EPHB1: variants seen among roughly 807,000 people sequenced by gnomAD.
EPHB1 encodes ephrin type-B receptor 1.
EPHB1 carries 30 observed loss-of-function variants against 94.4 expected under a neutral mutation model. The observed-to-expected ratio is 0.32, with a 90% confidence interval of 0.24 to 0.43. The LOEUF (loss-of-function observed/expected upper bound fraction) is 0.43. EPHB1 is among the 20% of genes least tolerant of loss of function. The pLI is 1.00. For missense variants in EPHB1, 1,055 were observed against 1,308.3 expected (o/e 0.81, Z 2.99); for synonymous variants, 522 against 489.1 (o/e 1.07, Z -0.89).
chr3:134,926,641 G>T (rs1465678512), intron 2 of EPHB1, among the ~76,000 whole-genome samples: 2 of 152,206 alleles, frequency 1.3e-5, no homozygotes, highest in African/African-American at 4.8e-5. Flanking sequence ...TGTGAATGCT[G>T]CTGAGATGGG....
At chr3:135,223,035 C>T (rs952670180) in intron 12 of EPHB1, among the ~76,000 whole-genome samples, 41 of 152,198 alleles carry the variant, frequency 2.7e-4, no homozygotes, top group African/African-American at 9.4e-4. Context: ...TAGGAAATTA[C>T]AGTCCAGTCA....
At chr3:135,111,719 A>C (rs1175296321) in intron 4 of EPHB1, among the ~76,000 whole-genome samples, 1 of 151,960 alleles carries the variant, frequency 6.6e-6, no homozygotes, top group Non-Finnish European at 1.5e-5. Flanking sequence ...TCACTCTGTC[A>C]CCCAGGCTGG....
At chr3:135,189,418 C>T (rs541864871) in intron 10 of EPHB1, among the ~76,000 whole-genome samples, 8 of 152,342 alleles carry the variant, frequency 5.3e-5, no homozygotes, top group Admixed American at 3.9e-4. Flanking sequence ...CTTCATGGAC[C>T]TGTGACTGGT....
chr3:134,812,374 G>A (rs2036194939), intron 1 of EPHB1, among the ~76,000 whole-genome samples: 2 of 152,176 alleles, frequency 1.3e-5, no homozygotes, highest in Admixed American at 6.5e-5. Context: ...TAGAGTATGT[G>A]CTCTTTATTT....
intron 14 of EPHB1, 63 bp downstream of exon 14, chr3:135,248,572 C>G: frequency 8.9e-6 from 13 of 1,460,502 alleles, no homozygotes; most frequent in Non-Finnish European, 1.2e-5. Flanking sequence ...GCATAGCCAG[C>G]AGCCTCTGAC....
At chr3:135,113,521 C>T (rs149543341) in intron 4 of EPHB1, among the ~76,000 whole-genome samples, 11 of 152,310 alleles carry the variant, frequency 7.2e-5, no homozygotes, top group South Asian at 2.1e-4. Context: ...CCAGTAACCC[C>T]GAGAGGCAGA....
chr3:135,026,376 G>A (rs1936170700), intron 3 of EPHB1, among the ~76,000 whole-genome samples: 1 of 147,856 alleles, frequency 6.8e-6, no homozygotes, highest in Admixed American at 6.8e-5. Flanking sequence ...AATCCATCTT[G>A]AATTGATTTT....
intron 3 of EPHB1, among the ~76,000 whole-genome samples, chr3:134,956,080 C>T (rs1333064314): frequency 6.6e-6 from 1 of 151,986 alleles, no homozygotes; most frequent in East Asian, 1.9e-4. Flanking sequence ...AGTTGGACTG[C>T]AGGGAGGAAG....
At chr3:134,927,725 C>A (rs1179302844) in intron 2 of EPHB1, among the ~76,000 whole-genome samples, 1 of 152,228 alleles carries the variant, frequency 6.6e-6, no homozygotes, top group Non-Finnish European at 1.5e-5. Context: ...AAAGTCAAGG[C>A]ATGCCCTTTA....
intron 12 of EPHB1, among the ~76,000 whole-genome samples, chr3:135,239,993 A>G (rs1053988877): frequency 2.0e-5 from 3 of 152,178 alleles, no homozygotes; most frequent in African/African-American, 7.2e-5. Flanking sequence ...AAGAGGCAGT[A>G]CTGGTATCCA....
At chr3:134,976,996 A>T (rs901918995) in intron 3 of EPHB1, among the ~76,000 whole-genome samples, 2 of 152,210 alleles carry the variant, frequency 1.3e-5, no homozygotes, top group African/African-American at 4.8e-5. Context: ...TGACAATTTT[A>T]CTTCAATAAA....
intron 8 of EPHB1, 125 bp from the exon 9 acceptor site, chr3:135,166,817 C>T: frequency 1.1e-6 from 1 of 924,628 alleles, no homozygotes; most frequent in East Asian, 2.5e-5. Context: ...TGAGAGTTGC[C>T]CAGTCCCTAA....
chr3:135,223,035 CA>C (rs1943311141), intron 12 of EPHB1, among the ~76,000 whole-genome samples: 1 of 152,198 alleles, frequency 6.6e-6, no homozygotes, highest in Admixed American at 6.5e-5. Context: ...TAGGAAATTA[CA>C]GTCCAGTCAA....
At chr3:134,901,857 G>A (rs956732733) in intron 1 of EPHB1, among the ~76,000 whole-genome samples, 3 of 152,238 alleles carry the variant, frequency 2.0e-5, no homozygotes, top group African/African-American at 4.8e-5. Context: ...TCAAGTGAAC[G>A]CAGTACCTGT....
rs1285344169 is a variant in EPHB1 at position 135,151,094 on chromosome 3, G to T, written c.1298-3058G>T. Among the ~76,000 whole-genome samples, 3 of 152,154 alleles carry T rather than the reference G, an allele frequency of 2.0e-5. No homozygotes were observed. The East Asian group carries it at 5.8e-4, about 29-fold the overall frequency. ...CTCAGGCCAGGTCTTAGCAGCCATT[G>T]TTTCCCAGCTATATTACTACAGCAG... On this transcript the variant is annotated intron_variant, in intron 5 of 15. Coordinates refer to ENST00000398015, the MANE Select transcript of EPHB1 (RefSeq NM_004441.5).
intron 9 of EPHB1, among the ~76,000 whole-genome samples, chr3:135,172,419 C>T (rs562266543): frequency 1.3e-5 from 2 of 152,340 alleles, no homozygotes; most frequent in South Asian, 2.1e-4. Context: ...TGTGAGTTCT[C>T]TGTTCCTATT....
At chr3:134,908,691 A>G (rs1489705465) in intron 1 of EPHB1, among the ~76,000 whole-genome samples, 1 of 152,142 alleles carries the variant, frequency 6.6e-6, no homozygotes, top group African/African-American at 2.4e-5. Context: ...GGGAGGAGAA[A>G]GGAGAGAGTG....
intron 15 of EPHB1, among the ~76,000 whole-genome samples, chr3:135,258,308 T>C (rs1423678468): frequency 1.3e-5 from 2 of 152,188 alleles, no homozygotes; most frequent in Non-Finnish European, 1.5e-5. Flanking sequence ...TTCACATAGG[T>C]TTAAATGAGA....
chr3:134,806,610 A>G (rs2036046426), intron 1 of EPHB1, among the ~76,000 whole-genome samples: 1 of 152,214 alleles, frequency 6.6e-6, no homozygotes, highest in Non-Finnish European at 1.5e-5. Context: ...ACAATTAATA[A>G]CTGAAAATAT....
Sources: gnomAD v4.1 joint callset for allele counts (sites outside exome capture counted in the v4.1 genomes callset) on GRCh38, gnomAD v4.1.1 for gene constraint, MANE v1.5 for transcripts, NCBI Gene and HGNC (gene_info 2026-07-23, HGNC 2026-07-21) for gene names.